Variants in PCSK2 observed in about 807,000 individuals in gnomAD.
PCSK2 encodes the protein proprotein convertase subtilisin/kexin type 2, also known as neuroendocrine convertase 2.
In PCSK2, 14 loss-of-function variants were observed where a neutral mutation model predicts 69.7. That is an observed-to-expected ratio of 0.20 (90% CI 0.13 to 0.31). The LOEUF (loss-of-function observed/expected upper bound fraction) is 0.31. PCSK2 is among the 10% of genes least tolerant of loss of function. The pLI, the probability that PCSK2 is intolerant of heterozygous loss-of-function variation, is 1.00. For missense variants in PCSK2, 544 were observed against 842.5 expected (o/e 0.65, Z 4.39); for synonymous variants, 307 against 320.7 (o/e 0.96, Z 0.46).
Position 17,429,467 on chromosome 20 carries a change from C to T in PCSK2, c.653C>T (p.Ala218Val). The T allele has an allele frequency of 6.2e-7, 1 of 1,613,914 alleles. No homozygotes were observed. The highest frequency in any genetic ancestry group is 8.5e-7 in the Non-Finnish European group (1 of 1,179,890). Residue 218 changes from alanine (A) to valine (V), a missense_variant, in exon 7 of 12, where the codon GCT (alanine) becomes GTT (valine). This residue lies in a region of PCSK2 where 187 missense variants were observed against 399.8 expected (regional missense o/e 0.47). Transcript: ENST00000262545. ...ACCCGATGTGCAGGAGAAGTTTCTG[C>T]TGCCGCCAACAACAATATCTGTGGA... ...HGTRCAGEVS[A>V]AANNNICGVG...
chr20:17,285,652 C>T (rs1988487333), intron 2 of PCSK2, among the ~76,000 whole-genome samples: 1 of 152,220 alleles, frequency 6.6e-6, no homozygotes, highest in Non-Finnish European at 1.5e-5. Context: ...AGATTGGCCA[C>T]ATAAGAGCAG....
At chr20:17,331,638 G>A (rs1024669876) in intron 2 of PCSK2, among the ~76,000 whole-genome samples, 1 of 152,036 alleles carries the variant, frequency 6.6e-6, no homozygotes, top group African/African-American at 2.4e-5. Flanking sequence ...AGATCTTGGG[G>A]CACTTAAATG....
intron 5 of PCSK2, among the ~76,000 whole-genome samples, chr20:17,402,963 AAAAAG>A (rs1240769098): frequency 1.2e-4 from 18 of 152,204 alleles, no homozygotes; most frequent in African/African-American, 3.9e-4. Context: ...TCTCAAAAAA[AAAAAG>A]AAAAGAAAAG....
In PCSK2 at chr20:17,437,142, G is replaced by T. The variant is rs2281205; in HGVS notation, c.885+259G>T. On this transcript the variant is annotated intron_variant, in intron 8 of 11. Coordinates refer to ENST00000262545, the MANE Select transcript of PCSK2 (RefSeq NM_002594.5). ...GACAGTGGGAAGGAAGGGGCCGGGG[G>T]GGGGAGGGTCTCAGACAGCAGTCCC... 0.081 allele frequency among the ~76,000 whole-genome samples: 12,328 copies of T among 151,796 alleles called. 588 individuals carry two copies. The highest frequency in any genetic ancestry group is 0.17 in the East Asian group (873 of 5,112).
At chr20:17,371,724 A>G (rs1436205545) in intron 5 of PCSK2, among the ~76,000 whole-genome samples, 3 of 152,040 alleles carry the variant, frequency 2.0e-5, no homozygotes, top group African/African-American at 7.2e-5. Flanking sequence ...TGTGCCATAA[A>G]CATTTTTATG....
chr20:17,480,220 C>T (rs1439971149), intron 11 of PCSK2, among the ~76,000 whole-genome samples: 3 of 96,392 alleles, frequency 3.1e-5, no homozygotes, highest in East Asian at 3.0e-4. Flanking sequence ...GGCAGAGTCT[C>T]GCTCTGTCAC....
At position 17,287,356 on chromosome 20, in the gene PCSK2, C is replaced by T. The variant is rs75033080; in HGVS notation, c.282+27012C>T. The stretch of plus-strand genomic sequence containing the variant: ...ACAAGGGTGAAGGAGAGGAAAGCAC[C>T]GTGAAAAATACTTGCAAATATTTAT... On this transcript the variant is annotated intron_variant, in intron 2 of 11. Coordinates refer to ENST00000262545, the MANE Select transcript of PCSK2 (RefSeq NM_002594.5). Among the ~76,000 whole-genome samples the T allele has an allele frequency of 5.1e-3, 765 of 151,274 alleles. 5 individuals carry two copies. Among genetic ancestry groups the T allele is most frequent in the East Asian group, 0.022 (114 of 5,096 alleles).
At chr20:17,353,504 G>A (rs910478863) in intron 2 of PCSK2, among the ~76,000 whole-genome samples, 3 of 151,434 alleles carry the variant, frequency 2.0e-5, no homozygotes, top group Admixed American at 6.6e-5. Context: ...AAATGTTGGC[G>A]AGGCTGTGGA....
chr20:17,234,699 A>G (rs902867941), intron 1 of PCSK2, among the ~76,000 whole-genome samples: 1 of 152,194 alleles, frequency 6.6e-6, no homozygotes, highest in Non-Finnish European at 1.5e-5. Flanking sequence ...CTAGAAATCA[A>G]TTTCTATTTC....
intron 10 of PCSK2, among the ~76,000 whole-genome samples, chr20:17,458,280 G>A (rs2032957278): frequency 6.6e-6 from 1 of 152,178 alleles, no homozygotes; most frequent in South Asian, 2.1e-4. Context: ...AGGAAAGGCA[G>A]TAAGGGAGTA....
At chr20:17,435,899 G>A (rs1304081306) in intron 7 of PCSK2, among the ~76,000 whole-genome samples, 2 of 152,208 alleles carry the variant, frequency 1.3e-5, no homozygotes, top group African/African-American at 4.8e-5. Context: ...GCCAAACGGG[G>A]ACCGGAGGCC....
intron 1 of PCSK2, among the ~76,000 whole-genome samples, chr20:17,234,655 GA>G (rs914298932): frequency 6.6e-6 from 1 of 152,018 alleles, no homozygotes; most frequent in African/African-American, 2.4e-5. Flanking sequence ...GGAAAGAGGG[GA>G]AATACACCTT....
chr20:17,288,240 G>A (rs531760177), intron 2 of PCSK2, among the ~76,000 whole-genome samples: 1 of 152,290 alleles, frequency 6.6e-6, no homozygotes, highest in Non-Finnish European at 1.5e-5. Context: ...CTCAGCAGGT[G>A]TCTGCTACCC....
chr20:17,394,716 C>A (rs73257677), intron 5 of PCSK2, among the ~76,000 whole-genome samples: 131 of 152,266 alleles, frequency 8.6e-4, no homozygotes, highest in African/African-American at 3.1e-3. Context: ...AACCCCTGTG[C>A]ACAAAGGGAT....
intron 2 of PCSK2, among the ~76,000 whole-genome samples, chr20:17,269,348 G>T (rs1286370600): frequency 1.3e-5 from 2 of 152,074 alleles, no homozygotes; most frequent in African/African-American, 4.8e-5. Flanking sequence ...AGATAACTGG[G>T]GACCAGCAAA....
At chr20:17,285,259 A>G (rs554900769) in intron 2 of PCSK2, among the ~76,000 whole-genome samples, 23 of 152,338 alleles carry the variant, frequency 1.5e-4, no homozygotes, top group Middle Eastern at 3.4e-3. Context: ...GTCGGGTGGG[A>G]ACAGGGAAAT....
intron 6 of PCSK2, 84 bp downstream of exon 6, chr20:17,409,423 C>G: frequency 1.1e-6 from 1 of 881,726 alleles, no homozygotes; most frequent in Non-Finnish European, 1.9e-6. Flanking sequence ...TGACTACCAC[C>G]AGCAAAATAA....
In PCSK2 at chr20:17,360,615, T is replaced by A. The variant is rs2030359903; in HGVS notation, c.480T>A (p.Gly160=). 2 of 1,607,712 alleles carry A rather than the reference T, an allele frequency of 1.2e-6. No individual in the cohort carries two copies. The highest frequency in any genetic ancestry group is 1.7e-6 in the Non-Finnish European group (2 of 1,174,716). ...EAWELGYTGK[G]VTIGIMDDGI... is the part of the protein sequence containing the mutation. Reference sequence around the variant, plus strand: ...GGGAGCTGGGATACACAGGGAAAGGTGTTACCATTGGAATTATGGATGATG... The same window carrying A: ...GGGAGCTGGGATACACAGGGAAAGGAGTTACCATTGGAATTATGGATGATG... The change falls in exon 4 of 12, where the codon GGT becomes GGA. Residue 160 remains glycine (G), a synonymous_variant. Coordinates refer to ENST00000262545, the MANE Select transcript of PCSK2 (RefSeq NM_002594.5).
rs774361715 is a variant in PCSK2 at position 17,433,812 on chromosome 20, T to TCTCTCTCTCTCTCTCCC, written c.710-2895_710-2894insTCTCTCTCTCTCTCCCC. ...CTCTCTCTCTCTCTCTCTCTCTCTC[T>TCTCTCTCTCTCTCTCCC]CCCCCCACTTCCTTCCCTCCTCCTC... On this transcript the variant is annotated intron_variant, in intron 7 of 11. Transcript: ENST00000262545. 2.5e-4 allele frequency among the ~76,000 whole-genome samples: 26 copies of TCTCTCTCTCTCTCTCCC among 104,172 alleles called. 2 individuals are homozygous for TCTCTCTCTCTCTCTCCC. Among genetic ancestry groups the TCTCTCTCTCTCTCTCCC allele is most frequent in the East Asian group, 1.5e-3 (4 of 2,620 alleles). The allele number at this position is 104,172 out of a possible 152,430, so 68.3% of individuals were successfully genotyped here.
Sources: allele counts gnomAD v4.1 joint callset (sites outside exome capture counted in the v4.1 genomes callset), GRCh38; gene constraint gnomAD v4.1.1; regional missense constraint gnomAD v4.1.1; transcripts MANE v1.5; gene names NCBI Gene and HGNC (gene_info 2026-07-23, HGNC 2026-07-21).